CCSER1: variants seen among roughly 807,000 people sequenced by gnomAD.
The protein encoded by CCSER1 is serine-rich coiled-coil domain-containing protein 1.
Under a neutral mutation model 82.0 loss-of-function variants are expected in CCSER1, and 41 were observed. The observed-to-expected ratio is 0.50, with a 90% CI of 0.39 to 0.65. CCSER1 has a LOEUF of 0.65. CCSER1 is among the 30% of genes least tolerant of loss of function. The pLI is 0.00. For missense variants in CCSER1, 1,119 were observed against 1,064.2 expected (o/e 1.05, Z -0.72); for synonymous variants, 414 against 383.9 (o/e 1.08, Z -0.92).
chr4:90,625,800 GA>G (rs949476055), intron 5 of CCSER1, among the ~76,000 whole-genome samples: 1 of 151,598 alleles, frequency 6.6e-6, no homozygotes, highest in African/African-American at 2.4e-5. Flanking sequence ...ATTGAAGTAT[GA>G]AAAAATGACT....
At chr4:90,227,855 G>C (rs1287451518) in intron 1 of CCSER1, among the ~76,000 whole-genome samples, 1 of 152,216 alleles carries the variant, frequency 6.6e-6, no homozygotes, top group Non-Finnish European at 1.5e-5. Context: ...CAAAGAAAGG[G>C]GTGACAGATG....
intron 10 of CCSER1, among the ~76,000 whole-genome samples, chr4:91,097,363 C>T (rs1724612457): frequency 6.6e-6 from 1 of 152,074 alleles, no homozygotes; most frequent in Non-Finnish European, 1.5e-5. Context: ...AACTCAGGAA[C>T]CATAGAGGCT....
At chr4:90,222,180 C>A (rs1742274743) in intron 1 of CCSER1, among the ~76,000 whole-genome samples, 1 of 151,968 alleles carries the variant, frequency 6.6e-6, no homozygotes, top group South Asian at 2.1e-4. Context: ...TGGAGAGGAG[C>A]GTATTTAGAA....
chr4:90,811,589 TGAA>T (rs1758292702), intron 7 of CCSER1, among the ~76,000 whole-genome samples: 2 of 152,008 alleles, frequency 1.3e-5, no homozygotes, highest in African/African-American at 4.8e-5. Context: ...CAAGAAATAG[TGAA>T]GAAGTGGAGA....
At chr4:91,369,363 T>C (rs1749856252) in intron 10 of CCSER1, among the ~76,000 whole-genome samples, 1 of 152,224 alleles carries the variant, frequency 6.6e-6, no homozygotes, top group South Asian at 2.1e-4. Context: ...TTTTGTAAGC[T>C]ATTGAGATGT....
intron 8 of CCSER1, among the ~76,000 whole-genome samples, chr4:90,816,955 T>C (rs1048498456): frequency 1.3e-5 from 2 of 152,058 alleles, no homozygotes; most frequent in African/African-American, 4.8e-5. Context: ...CTTGGTCCCA[T>C]TAACATGTTA....
At chr4:91,318,319 G>A (rs1000613231) in intron 10 of CCSER1, among the ~76,000 whole-genome samples, 2 of 151,898 alleles carry the variant, frequency 1.3e-5, no homozygotes, top group South Asian at 2.1e-4. Context: ...TTATAAGTCT[G>A]TAAAGTTTCA....
intron 10 of CCSER1, among the ~76,000 whole-genome samples, chr4:91,485,609 T>C (rs1758172590): frequency 6.6e-6 from 1 of 152,166 alleles, no homozygotes. Context: ...CAATCTGCCA[T>C]GCAATTATTA....
chr4:90,180,362 G>A (rs1306426640), intron 1 of CCSER1, among the ~76,000 whole-genome samples: 6 of 151,924 alleles, frequency 3.9e-5, no homozygotes, highest in African/African-American at 1.4e-4. Flanking sequence ...GCCAAGGTGC[G>A]TGGAGTGCTA....
chr4:90,829,946 C>G (rs928346694), intron 8 of CCSER1, among the ~76,000 whole-genome samples: 2 of 152,152 alleles, frequency 1.3e-5, no homozygotes, highest in Non-Finnish European at 2.9e-5. Flanking sequence ...CTTGAAACAT[C>G]ACACTTCGCC....
chr4:90,360,152 C>T (rs960036887), intron 3 of CCSER1, among the ~76,000 whole-genome samples: 4 of 147,474 alleles, frequency 2.7e-5, no homozygotes, highest in African/African-American at 9.8e-5. Context: ...CTCCTGACCT[C>T]GTGATCCGCC....
intron 9 of CCSER1, among the ~76,000 whole-genome samples, chr4:90,945,251 A>G (rs1220587634): frequency 6.6e-6 from 1 of 152,126 alleles, no homozygotes; most frequent in Non-Finnish European, 1.5e-5. Context: ...TTAAATTTAT[A>G]TATCATATTT....
chr4:91,125,630 G>A (rs1727442131), intron 10 of CCSER1, among the ~76,000 whole-genome samples: 1 of 151,554 alleles, frequency 6.6e-6, no homozygotes. Flanking sequence ...ATATCCATCT[G>A]TTGTATCACA....
chr4:90,724,287 A>G (rs959261477), intron 7 of CCSER1, among the ~76,000 whole-genome samples: 1 of 151,960 alleles, frequency 6.6e-6, no homozygotes, highest in African/African-American at 2.4e-5. Context: ...TTTTGTTTAT[A>G]GTAATTATAT....
At chr4:91,000,273 T>C (rs1178050796) in intron 9 of CCSER1, among the ~76,000 whole-genome samples, 1 of 138,404 alleles carries the variant, frequency 7.2e-6, no homozygotes, top group East Asian at 2.1e-4. Context: ...TAGTATAGTA[T>C]AGTATGTATA....
rs532415986 is a variant in CCSER1 at position 90,155,568 on chromosome 4, G to A, written c.-42+27737G>A. 8.5e-3 allele frequency among the ~76,000 whole-genome samples: 1,293 copies of A among 152,258 alleles called. 25 individuals carry two copies. Among genetic ancestry groups the A allele is most frequent in the African/African-American group, 0.03 (1,229 of 41,548 alleles). ...GCCACAATTTCAGATCCTGTTATTG[G>A]TCTATTCAGAGATTCAACTTCTTCC... On this transcript the variant is annotated intron_variant, in intron 1 of 10. Coordinates refer to ENST00000509176, the MANE Select transcript of CCSER1 (RefSeq NM_001145065.2).
Position 91,296,483 on chromosome 4 carries a change from A to ATATATATATATATTTATTTATT in CCSER1, c.2217+210492_2217+210493insATATATATATTTATTTATTTAT, listed in dbSNP as rs1175690764. 1.4e-3 allele frequency among the ~76,000 whole-genome samples: 179 copies of ATATATATATATATTTATTTATT among 123,930 alleles called. 5 individuals carry two copies. The highest frequency in any genetic ancestry group is 4.5e-3 in the African/African-American group (131 of 29,124). 81.3% of individuals were successfully genotyped at this position (123,930 alleles called of 152,430 possible). A position where few individuals can be genotyped will look rare whatever the true frequency, so the allele number is the denominator to read the frequency against. On this transcript the variant is annotated intron_variant, in intron 10 of 10. Transcript: ENST00000509176. ...TATATATATGTATATATATATATAT[A>ATATATATATATATTTATTTATT]TATTTTAATTAAATATACAGTTATC...
At chr4:90,527,887 A>G (rs769640195) in intron 5 of CCSER1, among the ~76,000 whole-genome samples, 4 of 152,180 alleles carry the variant, frequency 2.6e-5, no homozygotes, top group Admixed American at 6.5e-5. Flanking sequence ...CCTAAAATAT[A>G]CAAGTCTTGG....
intron 9 of CCSER1, among the ~76,000 whole-genome samples, chr4:91,053,550 C>T (rs1743183014): frequency 1.3e-5 from 2 of 152,146 alleles, no homozygotes; most frequent in African/African-American, 2.4e-5. Context: ...ACTTTGCAAT[C>T]CTATGTTCAC....
Sources: gnomAD v4.1 joint callset for allele counts (sites outside exome capture counted in the v4.1 genomes callset) on GRCh38, gnomAD v4.1.1 for gene constraint, MANE v1.5 for transcripts, NCBI Gene and HGNC (gene_info 2026-07-23, HGNC 2026-07-21) for gene names.